Variants in RBMS3 observed in about 807,000 individuals in gnomAD.
RBMS3 encodes RNA-binding motif, single-stranded-interacting protein 3.
A neutral mutation model predicts 66.8 loss-of-function variants in RBMS3; 27 were observed. The ratio of observed to expected loss-of-function variants is 0.40; its 90% confidence interval spans 0.30 to 0.56. The LOEUF is 0.56. Among genes scored for constraint, RBMS3 ranks in the 20% least tolerant of loss-of-function variants. The pLI is 0.40. For synonymous variants in RBMS3, 188 were observed against 183.0 expected (o/e 1.03, Z -0.22); for missense variants, 513 against 549.5 (o/e 0.93, Z 0.66).
chr3:29,346,442 C>T (rs920076409), intron 1 of RBMS3, among the ~76,000 whole-genome samples: 21 of 102,680 alleles, frequency 2.0e-4, no homozygotes, highest in African/African-American at 7.4e-4. Flanking sequence ...CTTGCTTTGT[C>T]GCCCAGGCTG....
At position 29,988,158 on chromosome 3, in the gene RBMS3, G is replaced by A. The variant is rs534241912; in HGVS notation, c.1114G>A (p.Ala372Thr). 5.6e-6 allele frequency: 9 copies of A among 1,612,764 alleles called. No individual in the cohort carries two copies. In the African/African-American group the frequency reaches 1.1e-4, roughly 19 times the overall value. ...TTCTCTCTAGTATATGACTGCTGCT[G>A]CTCCTATGCAAGGGACCTACATTCC... ...QLLCQYMTAA[A>T]PMQGTYIPQY... Residue 372 changes from alanine to threonine, a missense_variant, in exon 13 of 15, where the codon GCT (alanine) becomes ACT (threonine). Physicochemically the swap from Ala to Thr is moderately conservative, Grantham distance 58. Coordinates refer to ENST00000383767, the MANE Select transcript of RBMS3 (RefSeq NM_001003793.3).
At chr3:29,870,126 A>G (rs1196530280) in intron 7 of RBMS3, among the ~76,000 whole-genome samples, 1 of 152,192 alleles carries the variant, frequency 6.6e-6, no homozygotes, top group Admixed American at 6.5e-5. Flanking sequence ...AGCTAATAAA[A>G]AAGATAAAGA....
At chr3:29,837,555 T>C (rs894799469) in intron 6 of RBMS3, among the ~76,000 whole-genome samples, 7 of 150,800 alleles carry the variant, frequency 4.6e-5, no homozygotes, top group African/African-American at 9.7e-5. Context: ...CCCGTCTGTA[T>C]TGAGCTGCTC....
intron 2 of RBMS3, among the ~76,000 whole-genome samples, chr3:29,462,799 T>G (rs2042413892): frequency 6.6e-6 from 1 of 152,340 alleles, no homozygotes; most frequent in East Asian, 1.9e-4. Context: ...TAATTATTGG[T>G]TTTGACTTAA....
chr3:29,451,635 TG>T (rs2042021114), intron 2 of RBMS3, among the ~76,000 whole-genome samples: 2 of 152,124 alleles, frequency 1.3e-5, no homozygotes, highest in African/African-American at 4.8e-5. Flanking sequence ...AGGGCAGGCA[TG>T]GCAGGTTTTG....
At chr3:29,700,791 A>C (rs1340859987) in intron 4 of RBMS3, among the ~76,000 whole-genome samples, 1 of 152,108 alleles carries the variant, frequency 6.6e-6, no homozygotes, top group Non-Finnish European at 1.5e-5. Context: ...GGATAGAGGA[A>C]TTTAAAAAAA....
chr3:29,465,074 A>C (rs1453250144), intron 2 of RBMS3, among the ~76,000 whole-genome samples: 1 of 152,218 alleles, frequency 6.6e-6, no homozygotes, highest in Non-Finnish European at 1.5e-5. Flanking sequence ...ATAACAATAA[A>C]GACATTAATT....
chr3:29,818,819 G>A (rs562925578), intron 6 of RBMS3, among the ~76,000 whole-genome samples: 3 of 152,110 alleles, frequency 2.0e-5, no homozygotes, highest in South Asian at 2.1e-4. Context: ...TGTTGAATAA[G>A]CATAAATTAG....
intron 10 of RBMS3, among the ~76,000 whole-genome samples, chr3:29,923,003 A>C (rs925576365): frequency 6.6e-6 from 1 of 152,218 alleles, no homozygotes; most frequent in African/African-American, 2.4e-5. Context: ...TTTTCACCTG[A>C]ATCATGCCCA....
chr3:29,556,581 C>T (rs909055598), intron 3 of RBMS3, among the ~76,000 whole-genome samples: 7 of 149,382 alleles, frequency 4.7e-5, no homozygotes, highest in South Asian at 2.1e-4. Flanking sequence ...CCAGCCTGGA[C>T]GACAGAGCAG....
At chr3:29,498,197 G>A (rs1425862204) in intron 3 of RBMS3, among the ~76,000 whole-genome samples, 3 of 151,482 alleles carry the variant, frequency 2.0e-5, no homozygotes, top group African/African-American at 4.9e-5. Context: ...GTTTCACCAT[G>A]TTAACCTGGC....
intron 3 of RBMS3, among the ~76,000 whole-genome samples, chr3:29,549,881 G>C (rs4643664): frequency 0.048 from 7,228 of 151,988 alleles, 260 homozygotes; most frequent in African/African-American, 0.099. Context: ...TTCCCTGGCA[G>C]ATGGTCATAT....
At chr3:29,662,942 G>T (rs1055827274) in intron 4 of RBMS3, among the ~76,000 whole-genome samples, 2 of 152,162 alleles carry the variant, frequency 1.3e-5, no homozygotes, top group Non-Finnish European at 2.9e-5. Flanking sequence ...TAAATATGTG[G>T]GGATTTTTGG....
chr3:29,460,420 C>G (rs1481136968), intron 2 of RBMS3, among the ~76,000 whole-genome samples: 1 of 152,036 alleles, frequency 6.6e-6, no homozygotes, highest in African/African-American at 2.4e-5. Flanking sequence ...TAAACTGACT[C>G]CCAAAGTAAA....
intron 2 of RBMS3, among the ~76,000 whole-genome samples, chr3:29,484,740 C>G (rs902830314): frequency 6.6e-6 from 1 of 152,062 alleles, no homozygotes; most frequent in African/African-American, 2.4e-5. Context: ...CCAACTGGGT[C>G]CCTAAAGCTA....
chr3:29,563,757 A>G (rs1047649737), intron 3 of RBMS3, among the ~76,000 whole-genome samples: 1 of 152,082 alleles, frequency 6.6e-6, no homozygotes, highest in Non-Finnish European at 1.5e-5. Context: ...GGGCGTGGTG[A>G]CTCATGGCTA....
chr3:29,708,063 T>C (rs1231081237), intron 4 of RBMS3, among the ~76,000 whole-genome samples: 1 of 152,222 alleles, frequency 6.6e-6, no homozygotes, highest in East Asian at 1.9e-4. Flanking sequence ...GAGAGTATCA[T>C]GCCTTTTGCA....
chr3:29,357,281 G>A lies in RBMS3; in HGVS notation c.75+75525G>A, dbSNP rs567419516. ...TTCTCATTGTTCAATTCCCACCTAT[G>A]AGTGAGAACACGCGGTGTTTGGTTT... On this transcript the variant is annotated intron_variant, in intron 1 of 14. Coordinates refer to ENST00000383767, the MANE Select transcript of RBMS3 (RefSeq NM_001003793.3). Among the ~76,000 whole-genome samples, 39 of 151,930 alleles carry A rather than the reference G, an allele frequency of 2.6e-4. 1 individual carries two copies. The East Asian group carries it at 7.2e-3, about 28-fold the overall frequency.
At chr3:29,997,762 C>T (rs964410789) in intron 14 of RBMS3, among the ~76,000 whole-genome samples, 53 of 152,058 alleles carry the variant, frequency 3.5e-4, no homozygotes, top group Admixed American at 1.5e-3. Context: ...ATCGATGGGA[C>T]GTATTTCAAA....
Sources: allele counts gnomAD v4.1 joint callset (sites outside exome capture counted in the v4.1 genomes callset), GRCh38; gene constraint gnomAD v4.1.1; transcripts MANE v1.5; gene names NCBI Gene and HGNC (gene_info 2026-07-23, HGNC 2026-07-21).